Variants in ABTB2 observed in about 807,000 individuals in gnomAD.
The protein encoded by ABTB2 is ankyrin repeat and BTB/POZ domain-containing protein 2.
A neutral mutation model predicts 104.1 loss-of-function variants in ABTB2; 56 were observed. The ratio of observed to expected loss-of-function variants is 0.54; its 90% CI spans 0.43 to 0.67. ABTB2 has a LOEUF of 0.67. Ranked by LOEUF, ABTB2 falls within the 30% of genes least tolerant of loss-of-function variation. The probability of loss-of-function intolerance (pLI) is 0.00; values close to 1 mark genes in which losing one functional copy is unlikely to be tolerated. For synonymous variants in ABTB2, 606 were observed against 608.2 expected, an observed-to-expected ratio of 1.00 and a Z score of 0.05; for missense variants, 1,279 against 1,407.7, an observed-to-expected ratio of 0.91 and a Z score of 1.46.
At position 34,171,310 on chromosome 11, in the gene ABTB2, C is replaced by T. The variant is rs1280529720; in HGVS notation, c.1398-239G>A. Among the ~76,000 whole-genome samples, 7 of 152,284 alleles carry T rather than the reference C, an allele frequency of 4.6e-5. No individual in the cohort carries two copies. In the East Asian group the frequency reaches 9.6e-4, roughly 21 times the overall value. ...TGCTTGGGAGGTAGGTTCAGTGGCT[C>T]ACACCTGTAATCCCAGCACTTTGGG... is the stretch of plus-strand genomic sequence containing the variant. On this transcript the variant is annotated intron_variant, in intron 4 of 16. Transcript: ENST00000435224.
At chr11:34,203,109 G>GC (rs1408718178) in intron 2 of ABTB2, among the ~76,000 whole-genome samples, 1 of 152,184 alleles carries the variant, frequency 6.6e-6, no homozygotes, top group Non-Finnish European at 1.5e-5. Flanking sequence ...GATCTCAGCT[G>GC]CCCCAAGGAG....
rs566538922 is a variant in ABTB2 at position 34,153,933 on chromosome 11, G to C, written c.2880+332C>G. ...GGGACAGCTAGGGAGGCACAGACAG[G>C]TAGGGGAGAAAAGTAAATACCTATG... is the stretch of plus-strand genomic sequence containing the variant. On this transcript the variant is annotated intron_variant, in intron 16 of 16. Coordinates refer to ENST00000435224, the MANE Select transcript of ABTB2 (RefSeq NM_145804.3). Among the ~76,000 whole-genome samples the C allele has an allele frequency of 2.6e-5, 4 of 152,336 alleles. No individual in the cohort carries two copies. The East Asian group carries it at 7.7e-4, about 29-fold the overall frequency.
chr11:34,170,749 A>G (rs1220950859), intron 5 of ABTB2, among the ~76,000 whole-genome samples, 157 bp downstream of exon 5: 1 of 152,220 alleles, frequency 6.6e-6, no homozygotes, highest in Non-Finnish European at 1.5e-5. Context: ...GACATTCCAC[A>G]TGACCAGGCA....
chr11:34,296,320 G>A (rs966891541), intron 1 of ABTB2, among the ~76,000 whole-genome samples: 3 of 152,034 alleles, frequency 2.0e-5, no homozygotes, highest in African/African-American at 7.2e-5. Flanking sequence ...TCTAAGGAGG[G>A]GAGGGAGACA....
chr11:34,276,703 A>G (rs1854385796), intron 1 of ABTB2, among the ~76,000 whole-genome samples: 1 of 152,232 alleles, frequency 6.6e-6, no homozygotes, highest in African/African-American at 2.4e-5. Flanking sequence ...GTCACAGAAG[A>G]CAAGGGGAGA....
chr11:34,172,371 C>CAAAAAAA (rs1230787869), intron 4 of ABTB2, among the ~76,000 whole-genome samples: 2 of 61,682 alleles, frequency 3.2e-5, no homozygotes, highest in Admixed American at 2.3e-4. Context: ...AACTCTGTCT[C>CAAAAAAA]AAAAAAAAAA....
intron 1 of ABTB2, among the ~76,000 whole-genome samples, chr11:34,283,723 T>C (rs967027221): frequency 3.9e-5 from 6 of 152,212 alleles, no homozygotes; most frequent in African/African-American, 1.4e-4. Flanking sequence ...TTGAGGATAC[T>C]ATTTTTTGTA....
chr11:34,315,245 G>T (rs907068522), intron 1 of ABTB2, among the ~76,000 whole-genome samples: 64 of 152,336 alleles, frequency 4.2e-4, no homozygotes, highest in African/African-American at 1.5e-3. Flanking sequence ...TTACCACAGA[G>T]CAAGTCTCCT....
chr11:34,203,462 G>C (rs12293685), intron 2 of ABTB2, among the ~76,000 whole-genome samples: 1 of 152,176 alleles, frequency 6.6e-6, no homozygotes, highest in African/African-American at 2.4e-5. Flanking sequence ...GCCCAAGACA[G>C]CCCATTGTCC....
At chr11:34,281,985 C>T (rs1296312868) in intron 1 of ABTB2, among the ~76,000 whole-genome samples, 1 of 152,154 alleles carries the variant, frequency 6.6e-6, no homozygotes, top group Non-Finnish European at 1.5e-5. Context: ...TGTCTTAGTT[C>T]GTTTGAGCTG....
intron 1 of ABTB2, among the ~76,000 whole-genome samples, chr11:34,239,077 ATC>A (rs1853881399): frequency 6.6e-6 from 1 of 152,086 alleles, no homozygotes; most frequent in Non-Finnish European, 1.5e-5. Context: ...AATCTCTGAC[ATC>A]TGTTTTCCCT....
At chr11:34,234,586 C>T (rs553133714) in intron 1 of ABTB2, among the ~76,000 whole-genome samples, 1 of 152,220 alleles carries the variant, frequency 6.6e-6, no homozygotes, top group Non-Finnish European at 1.5e-5. Flanking sequence ...TGTGAGAACA[C>T]CTCGGATGCC....
intron 1 of ABTB2, among the ~76,000 whole-genome samples, chr11:34,246,707 C>T (rs1853988179): frequency 6.6e-6 from 1 of 150,580 alleles, no homozygotes; most frequent in African/African-American, 2.4e-5. Context: ...CCTACCACAA[C>T]AGAAAACCTC....
At chr11:34,219,201 G>C (rs1853585591) in intron 1 of ABTB2, among the ~76,000 whole-genome samples, 1 of 152,166 alleles carries the variant, frequency 6.6e-6, no homozygotes, top group Non-Finnish European at 1.5e-5. Flanking sequence ...ATGACATTTT[G>C]GCTAGTGACA....
intron 1 of ABTB2, among the ~76,000 whole-genome samples, chr11:34,336,207 C>T (rs1364975875): frequency 1.3e-5 from 2 of 152,068 alleles, no homozygotes; most frequent in African/African-American, 2.4e-5. Flanking sequence ...CTAATTTTTC[C>T]TCCTATTCAT....
chr11:34,355,177 C>G (rs1422013094), intron 1 of ABTB2, among the ~76,000 whole-genome samples: 2 of 152,180 alleles, frequency 1.3e-5, no homozygotes, highest in African/African-American at 4.8e-5. Context: ...AGAGTGTCTT[C>G]AAAATGGGCC....
intron 1 of ABTB2, among the ~76,000 whole-genome samples, chr11:34,257,367 G>A (rs1355473115): frequency 4.6e-5 from 7 of 152,218 alleles, no homozygotes; most frequent in Non-Finnish European, 8.8e-5. Context: ...ACATCTCCAG[G>A]AGGCCTCTAA....
chr11:34,270,047 C>A (rs1854295186), intron 1 of ABTB2, among the ~76,000 whole-genome samples: 2 of 152,204 alleles, frequency 1.3e-5, no homozygotes, highest in South Asian at 4.1e-4. Flanking sequence ...GACCCATCAG[C>A]CAGAAACACT....
At chr11:34,277,342 T>C (rs1192749847) in intron 1 of ABTB2, among the ~76,000 whole-genome samples, 2 of 152,208 alleles carry the variant, frequency 1.3e-5, no homozygotes. Flanking sequence ...AGGTAGCTTT[T>C]GGCATGTCAT....
Sources: gnomAD v4.1 joint callset for allele counts (sites outside exome capture counted in the v4.1 genomes callset) on GRCh38, gnomAD v4.1.1 for gene constraint, MANE v1.5 for transcripts, NCBI Gene and HGNC (gene_info 2026-07-23, HGNC 2026-07-21) for gene names.